Variants in SRGAP2 observed in about 807,000 individuals in gnomAD.
SRGAP2 encodes the protein SLIT-ROBO Rho GTPase-activating protein 2.
A neutral mutation model predicts 57.2 loss-of-function variants in SRGAP2; 15 were observed. The observed-to-expected ratio is 0.26, with a 90% CI of 0.18 to 0.40. The LOEUF (loss-of-function observed/expected upper bound fraction) is 0.40, where lower values mean the gene tolerates loss of function less well. Ranked by LOEUF, SRGAP2 falls within the 10% of genes least tolerant of loss-of-function variation. The pLI is 1.00. For missense variants in SRGAP2, 520 were observed against 669.6 expected (o/e 0.78, Z 2.47); for synonymous variants, 249 against 248.0 (o/e 1.00, Z -0.04).
Position 206,437,977 on chromosome 1 carries a change from G to A in SRGAP2, c.1647G>A (p.Leu549=), listed in dbSNP as rs1661928073. Residue 549 remains leucine, a synonymous_variant, in exon 16 of 23, where the codon CTG becomes CTA. Coordinates refer to ENST00000573034, the MANE Select transcript of SRGAP2 (RefSeq NM_015326.5). The part of the protein sequence containing the change: ...KNAFERGEDP[L]AGDQNDHDMD... ...GCTTATCCTCAGGAGAGGACCCCCT[G>A]GCTGGGGACCAGAACGACCATGACA... 1 of 780,692 alleles carries A rather than the reference G, an allele frequency of 1.3e-6. No homozygotes were observed. 48.4% of individuals were successfully genotyped at this position (780,692 alleles called of 1,614,324 possible). A position where few individuals can be genotyped will look rare whatever the true frequency, so the allele number is the denominator to read the frequency against.
At chr1:206,424,459 A>G (rs1404934934) in intron 13 of SRGAP2, among the ~76,000 whole-genome samples, 1 of 152,204 alleles carries the variant, frequency 6.6e-6, no homozygotes, top group Non-Finnish European at 1.5e-5. Flanking sequence ...GTTCGAGACC[A>G]GCCTGGCCAA....
Position 206,385,847 on chromosome 1 carries a change from C to G in SRGAP2, c.486+1771C>G, listed in dbSNP as rs530898240. 4.6e-5 allele frequency among the ~76,000 whole-genome samples: 7 copies of G among 152,234 alleles called. No homozygotes were observed. The East Asian group carries it at 1.2e-3, about 25-fold the overall frequency. On this transcript the variant is annotated intron_variant, in intron 5 of 22. Coordinates refer to ENST00000573034, the MANE Select transcript of SRGAP2 (RefSeq NM_015326.5). ...GGTCAACATAGAGCATAACATCTTC[C>G]CATTGATGTTCAAACTGAGAATTGC...
chr1:206,325,398 T>G (rs1347533509), intron 3 of SRGAP2, among the ~76,000 whole-genome samples: 1 of 151,638 alleles, frequency 6.6e-6, no homozygotes, highest in East Asian at 1.9e-4. Flanking sequence ...GGCTGGAGTG[T>G]AATGGCGCCA....
At chr1:206,259,357 G>T (rs1374022497) in intron 2 of SRGAP2, among the ~76,000 whole-genome samples, 3 of 144,212 alleles carry the variant, frequency 2.1e-5, no homozygotes, top group Non-Finnish European at 4.6e-5. Context: ...TTTTAAAAGA[G>T]ACAGGGTCTC....
At chr1:206,226,988 A>G (rs1553305666) in intron 2 of SRGAP2, among the ~76,000 whole-genome samples, 2 of 152,030 alleles carry the variant, frequency 1.3e-5, no homozygotes, top group Admixed American at 6.6e-5. Flanking sequence ...GATTTGGCCT[A>G]AGCATGAGTG....
At chr1:206,256,085 C>A (rs1669166942) in intron 2 of SRGAP2, among the ~76,000 whole-genome samples, 1 of 149,654 alleles carries the variant, frequency 6.7e-6, no homozygotes, top group African/African-American at 2.5e-5. Context: ...TCTGTATAAG[C>A]TTTGCTGAAG....
intron 14 of SRGAP2, among the ~76,000 whole-genome samples, chr1:206,432,321 C>A (rs1553368584): frequency 6.6e-6 from 1 of 152,116 alleles, no homozygotes; most frequent in African/African-American, 2.4e-5. Flanking sequence ...TTATATGTTA[C>A]TAATGGGAAT....
chr1:206,359,876 G>A (rs1469166042), intron 4 of SRGAP2, among the ~76,000 whole-genome samples: 4 of 127,246 alleles, frequency 3.1e-5, no homozygotes, highest in Admixed American at 3.0e-4. Context: ...GCGGGATCTC[G>A]GCTCACTGCA....
chr1:206,346,696 G>A (rs1375456216), intron 4 of SRGAP2, among the ~76,000 whole-genome samples: 3 of 152,090 alleles, frequency 2.0e-5, no homozygotes, highest in African/African-American at 4.8e-5. Context: ...GTACACACCT[G>A]TGCTTTATGT....
chr1:206,277,738 G>A (rs1378860602), intron 2 of SRGAP2, among the ~76,000 whole-genome samples: 1 of 152,196 alleles, frequency 6.6e-6, no homozygotes, highest in African/African-American at 2.4e-5. Context: ...GGGATGCTGA[G>A]GTGGACAGAT....
At chr1:206,278,530 A>T (rs1271388904) in intron 2 of SRGAP2, among the ~76,000 whole-genome samples, 2 of 141,868 alleles carry the variant, frequency 1.4e-5, no homozygotes, top group Non-Finnish European at 1.5e-5. Context: ...TTTAATTTTT[A>T]ATTTTTATTT....
intron 2 of SRGAP2, among the ~76,000 whole-genome samples, chr1:206,291,621 A>G (rs1671325719): frequency 6.6e-6 from 1 of 150,456 alleles, no homozygotes; most frequent in Non-Finnish European, 1.5e-5. Context: ...TTTGAGGATT[A>G]AGTGAGATAC....
At chr1:206,371,367 G>A (rs1654532797) in intron 4 of SRGAP2, among the ~76,000 whole-genome samples, 1 of 151,962 alleles carries the variant, frequency 6.6e-6, no homozygotes, top group Non-Finnish European at 1.5e-5. Context: ...TATTTAGGCA[G>A]AAGGAAAATG....
intron 4 of SRGAP2, among the ~76,000 whole-genome samples, chr1:206,367,126 T>G (rs1291717485): frequency 6.6e-6 from 1 of 152,198 alleles, no homozygotes; most frequent in Non-Finnish European, 1.5e-5. Flanking sequence ...AACCAGAATA[T>G]TCTAGCAGCT....
chr1:206,310,346 A>G (rs1553323681), intron 3 of SRGAP2, among the ~76,000 whole-genome samples: 2 of 151,530 alleles, frequency 1.3e-5, no homozygotes, highest in Non-Finnish European at 2.9e-5. Flanking sequence ...ACAGAAGTCA[A>G]ATGGTTGAAT....
At chr1:206,253,819 T>G (rs1423361259) in intron 2 of SRGAP2, among the ~76,000 whole-genome samples, 1 of 149,762 alleles carries the variant, frequency 6.7e-6, no homozygotes, top group African/African-American at 2.5e-5. Flanking sequence ...CTTTTTTTTT[T>G]TTGTTTTAAA....
At chr1:206,404,427 A>T (rs1658498886) in intron 8 of SRGAP2, among the ~76,000 whole-genome samples, 1 of 152,168 alleles carries the variant, frequency 6.6e-6, no homozygotes. Context: ...TAAAGGACGA[A>T]CGGTAACAAG....
chr1:206,314,228 A>G (rs1207967413), intron 3 of SRGAP2, among the ~76,000 whole-genome samples: 2 of 150,868 alleles, frequency 1.3e-5, no homozygotes, highest in African/African-American at 2.4e-5. Context: ...TCTGCCTCCC[A>G]GGTTCAAGCT....
At chr1:206,416,612 T>G (rs1436219589) in intron 11 of SRGAP2, among the ~76,000 whole-genome samples, 1 of 152,188 alleles carries the variant, frequency 6.6e-6, no homozygotes, top group Non-Finnish European at 1.5e-5. Context: ...GGACCGGCAC[T>G]CTGGACTTTC....
Sources: allele counts gnomAD v4.1 joint callset (sites outside exome capture counted in the v4.1 genomes callset), GRCh38; gene constraint gnomAD v4.1.1; transcripts MANE v1.5; gene names NCBI Gene and HGNC (gene_info 2026-07-23, HGNC 2026-07-21).